Variants in GRIA4 observed in about 807,000 individuals in gnomAD.
The protein encoded by GRIA4 is glutamate receptor 4.
GRIA4 carries 34 observed loss-of-function variants against 104.0 expected under a neutral mutation model. That is an observed-to-expected ratio of 0.33 (90% CI 0.25 to 0.44). GRIA4 has a LOEUF of 0.44. GRIA4 is among the 20% of genes least tolerant of loss of function. GRIA4 has a pLI of 1.00. For synonymous variants in GRIA4, 386 were observed against 381.9 expected, an observed-to-expected ratio of 1.01 and a Z score of -0.13; for missense variants, 750 against 1,096.5, an observed-to-expected ratio of 0.68 and a Z score of 4.46.
chr11:105,822,867 A>T (rs1026826761), intron 4 of GRIA4, among the ~76,000 whole-genome samples: 1 of 152,138 alleles, frequency 6.6e-6, no homozygotes, highest in South Asian at 2.1e-4. Flanking sequence ...GCAAGGACTG[A>T]GTAGAGTGTA....
intron 4 of GRIA4, among the ~76,000 whole-genome samples, chr11:105,821,682 A>G (rs1045523516): frequency 3.9e-5 from 6 of 152,188 alleles, no homozygotes; most frequent in African/African-American, 1.4e-4. Flanking sequence ...TCCAATAGTA[A>G]GGATTACAAT....
At chr11:105,658,647 G>T (rs1266536418) in intron 3 of GRIA4, among the ~76,000 whole-genome samples, 4 of 151,952 alleles carry the variant, frequency 2.6e-5, no homozygotes, top group African/African-American at 2.4e-5. Flanking sequence ...GCAAGTGAGA[G>T]AAATTATTTT....
At chr11:105,665,392 G>C (rs1373886802) in intron 3 of GRIA4, among the ~76,000 whole-genome samples, 1 of 151,880 alleles carries the variant, frequency 6.6e-6, no homozygotes, top group Non-Finnish European at 1.5e-5. Flanking sequence ...TAATTATATA[G>C]ATACAAAGTG....
chr11:105,644,567 G>T (rs111972489), intron 3 of GRIA4, among the ~76,000 whole-genome samples: 1 of 152,034 alleles, frequency 6.6e-6, no homozygotes, highest in Non-Finnish European at 1.5e-5. Flanking sequence ...TCGTGCAATC[G>T]CACTCCATCC....
chr11:105,728,952 G>A (rs982582711), intron 3 of GRIA4, among the ~76,000 whole-genome samples: 15 of 152,054 alleles, frequency 9.9e-5, no homozygotes, highest in African/African-American at 3.4e-4. Flanking sequence ...AACTAGAGAA[G>A]CAAGAGCAAA....
chr11:105,857,873 T>A (rs1271214598), intron 4 of GRIA4, among the ~76,000 whole-genome samples: 1 of 152,140 alleles, frequency 6.6e-6, no homozygotes, highest in Non-Finnish European at 1.5e-5. Flanking sequence ...GTGCTGACAG[T>A]TAAATAACTC....
intron 11 of GRIA4, among the ~76,000 whole-genome samples, chr11:105,920,525 T>C (rs537053451): frequency 6.6e-6 from 1 of 152,146 alleles, no homozygotes; most frequent in Non-Finnish European, 1.5e-5. Context: ...CATACATCTC[T>C]TCTCTGGAGT....
chr11:105,896,818 T>C (rs535583818), intron 6 of GRIA4, among the ~76,000 whole-genome samples: 5 of 152,312 alleles, frequency 3.3e-5, no homozygotes, highest in South Asian at 4.1e-4. Flanking sequence ...TATAGCCTTA[T>C]AGTATAGTCT....
At chr11:105,663,697 A>G (rs1189496689) in intron 3 of GRIA4, among the ~76,000 whole-genome samples, 1 of 151,926 alleles carries the variant, frequency 6.6e-6, no homozygotes, top group East Asian at 1.9e-4. Context: ...AACATAGAGA[A>G]ATAAACGTTT....
At chr11:105,908,334 G>C (rs887944730) in intron 9 of GRIA4, among the ~76,000 whole-genome samples, 3 of 152,010 alleles carry the variant, frequency 2.0e-5, no homozygotes, top group African/African-American at 7.2e-5. Context: ...TTGTCTATAG[G>C]AAAAATATCC....
chr11:105,825,424 G>T (rs1441814758), intron 4 of GRIA4, among the ~76,000 whole-genome samples: 1 of 152,026 alleles, frequency 6.6e-6, no homozygotes, highest in Non-Finnish European at 1.5e-5. Flanking sequence ...AGATGCTGCT[G>T]GGTTCAGGCC....
chr11:105,672,623 G>T (rs1447922959), intron 3 of GRIA4, among the ~76,000 whole-genome samples: 1 of 152,090 alleles, frequency 6.6e-6, no homozygotes, highest in East Asian at 1.9e-4. Flanking sequence ...ATTTTCCAAT[G>T]TAGAGCTCAG....
chr11:105,760,894 A>G (rs943108471), intron 4 of GRIA4, among the ~76,000 whole-genome samples: 5 of 152,080 alleles, frequency 3.3e-5, no homozygotes, highest in East Asian at 1.9e-4. Context: ...AACATATTTC[A>G]TAGGGCTTTA....
At chr11:105,744,765 A>G (rs1939540719) in intron 3 of GRIA4, among the ~76,000 whole-genome samples, 1 of 152,208 alleles carries the variant, frequency 6.6e-6, no homozygotes, top group African/African-American at 2.4e-5. Flanking sequence ...ATTGGATAAT[A>G]TTAAAGACAA....
Position 105,718,416 on chromosome 11 carries a change from T to A in GRIA4, c.248-34565T>A, listed in dbSNP as rs551605098. ...CAATATTATCGTACCATAAGCACAA[T>A]CTCCTCCCACCTCAGCTGTTGTGAT... On this transcript the variant is annotated intron_variant, in intron 3 of 16. Transcript: ENST00000282499. Among the ~76,000 whole-genome samples, 6 of 152,200 alleles carry A rather than the reference T, an allele frequency of 3.9e-5. No homozygotes were observed. The East Asian group carries it at 1.2e-3, about 29-fold the overall frequency.
At chr11:105,666,512 T>G (rs991108981) in intron 3 of GRIA4, among the ~76,000 whole-genome samples, 1 of 151,942 alleles carries the variant, frequency 6.6e-6, no homozygotes, top group Non-Finnish European at 1.5e-5. Context: ...TTAAAAACTA[T>G]GAAATAATGC....
chr11:105,735,982 A>C (rs1054508169), intron 3 of GRIA4, among the ~76,000 whole-genome samples: 2 of 152,222 alleles, frequency 1.3e-5, no homozygotes, highest in African/African-American at 4.8e-5. Context: ...GAAAACTGTC[A>C]GTTCTAGACA....
chr11:105,830,706 A>G (rs1007558512), intron 4 of GRIA4, among the ~76,000 whole-genome samples: 13 of 152,186 alleles, frequency 8.5e-5, no homozygotes, highest in African/African-American at 3.1e-4. Context: ...AATTGGACAT[A>G]GGCATAACAC....
At chr11:105,849,149 G>A (rs571045852) in intron 4 of GRIA4, among the ~76,000 whole-genome samples, 18 of 152,036 alleles carry the variant, frequency 1.2e-4, no homozygotes, top group Non-Finnish European at 2.4e-4. Context: ...CCCAGATTGC[G>A]CCACTGCATT....
Sources: allele counts gnomAD v4.1 joint callset (sites outside exome capture counted in the v4.1 genomes callset), GRCh38; gene constraint gnomAD v4.1.1; transcripts MANE v1.5; gene names NCBI Gene and HGNC (gene_info 2026-07-23, HGNC 2026-07-21).